Variants in EFR3A observed in about 807,000 individuals in gnomAD.
EFR3A encodes EFR3 homolog A.
A neutral mutation model predicts 104.4 loss-of-function variants in EFR3A; 76 were observed. The ratio of observed to expected loss-of-function variants is 0.73; its 90% confidence interval spans 0.60 to 0.88. EFR3A has a LOEUF of 0.88. Ranked by LOEUF, EFR3A falls within the 40% of genes least tolerant of loss-of-function variation. The pLI, the probability that EFR3A is intolerant of heterozygous loss-of-function variation, is 0.00. For synonymous variants in EFR3A, 330 were observed against 330.0 expected (o/e 1.00, Z 0.00); for missense variants, 985 against 1,012.5 (o/e 0.97, Z 0.37).
rs576304047 is a variant in EFR3A at position 131,958,509 on chromosome 8, G to A, written c.777-1076G>A. On this transcript the variant is annotated intron_variant, in intron 7 of 22. Coordinates refer to ENST00000254624, the MANE Select transcript of EFR3A (RefSeq NM_015137.6). Reference sequence around the variant, plus strand: ...GGTAGCCATGTTCAAATTCTTCTTCGAATGTATAGAGCCTAGAGCATAGTA... The same window carrying A: ...GGTAGCCATGTTCAAATTCTTCTTCAAATGTATAGAGCCTAGAGCATAGTA... 8.0e-4 allele frequency among the ~76,000 whole-genome samples: 122 copies of A among 151,860 alleles called. 1 individual carries two copies. Among genetic ancestry groups the A allele is most frequent in the Non-Finnish European group, 1.3e-3 (90 of 67,966 alleles).
chr8:131,940,435 A>G (rs1325448756), intron 1 of EFR3A, 64 bp from the exon 2 acceptor site: 26 of 1,455,786 alleles, frequency 1.8e-5, no homozygotes, highest in Non-Finnish European at 2.4e-5. Context: ...CAGAAACTTG[A>G]ATTTCCAGGC....
chr8:131,918,427 T>A (rs1445670027), intron 1 of EFR3A, among the ~76,000 whole-genome samples: 1 of 152,254 alleles, frequency 6.6e-6, no homozygotes, highest in Admixed American at 6.5e-5. Context: ...TTGGAGAGAA[T>A]ATATCAGGCA....
At chr8:131,958,129 G>C (rs1386586612) in intron 7 of EFR3A, among the ~76,000 whole-genome samples, 1 of 152,100 alleles carries the variant, frequency 6.6e-6, no homozygotes, top group African/African-American at 2.4e-5. Flanking sequence ...TAAGTAATTG[G>C]TAGCATGCTT....
At chr8:131,911,512 G>T (rs1419564125) in intron 1 of EFR3A, among the ~76,000 whole-genome samples, 2 of 152,186 alleles carry the variant, frequency 1.3e-5, no homozygotes, top group Non-Finnish European at 2.9e-5. Context: ...TCATTAAGGG[G>T]AAAGTGAAAC....
At chr8:131,920,096 A>G (rs1029866979) in intron 1 of EFR3A, among the ~76,000 whole-genome samples, 13 of 152,208 alleles carry the variant, frequency 8.5e-5, no homozygotes, top group African/African-American at 2.4e-4. Flanking sequence ...TTGCTGCTAG[A>G]ATTTTGTGAA....
intron 14 of EFR3A, 21 bp downstream of exon 14, chr8:131,979,442 AT>A: frequency 1.4e-6 from 2 of 1,470,278 alleles, no homozygotes; most frequent in African/African-American, 1.4e-5. Flanking sequence ...TTCTAAAAAA[AT>A]AAATGTGTAG....
chr8:131,985,818 A>G (rs975461683), intron 16 of EFR3A, among the ~76,000 whole-genome samples: 1 of 152,222 alleles, frequency 6.6e-6, no homozygotes, highest in Non-Finnish European at 1.5e-5. Flanking sequence ...GAGACCTTGT[A>G]CACAGGCTGC....
intron 8 of EFR3A, among the ~76,000 whole-genome samples, chr8:131,962,709 C>G (rs905364569): frequency 4.6e-5 from 7 of 152,140 alleles, no homozygotes; most frequent in African/African-American, 1.7e-4. Context: ...CAGCTCTGCA[C>G]CAAGTGGACC....
intron 8 of EFR3A, among the ~76,000 whole-genome samples, chr8:131,963,996 A>T (rs1416979750): frequency 6.6e-6 from 1 of 152,220 alleles, no homozygotes; most frequent in Non-Finnish European, 1.5e-5. Flanking sequence ...ATAGATGCAG[A>T]AAAGGCCTTT....
Position 131,922,196 on chromosome 8 carries a change from T to G in EFR3A, c.10+17874T>G, listed in dbSNP as rs149992271. Among the ~76,000 whole-genome samples, 463 of 152,284 alleles carry G rather than the reference T, an allele frequency of 3.0e-3. 7 individuals are homozygous for G. Among genetic ancestry groups the G allele is most frequent in the East Asian group, 1.9e-3 (10 of 5,186 alleles). On this transcript the variant is annotated intron_variant, in intron 1 of 22. Coordinates refer to ENST00000254624, the MANE Select transcript of EFR3A (RefSeq NM_015137.6). The stretch of plus-strand genomic sequence containing the variant: ...GTATCCATATCTTTCTTTTTTCTTA[T>G]AAGGATACCAGTCATTGAATTTAGG...
chr8:131,986,644 G>T (rs1425856311), intron 17 of EFR3A, among the ~76,000 whole-genome samples: 4 of 152,004 alleles, frequency 2.6e-5, no homozygotes, highest in African/African-American at 7.3e-5. Context: ...AATTAGCTGG[G>T]TATGGTGGCA....
Position 132,011,714 on chromosome 8 carries a change from T to A in EFR3A, c.*819T>A, listed in dbSNP as rs951188835. 3 of 152,766 alleles carry A rather than the reference T, an allele frequency of 2.0e-5. No homozygotes were observed. The highest frequency in any genetic ancestry group is 7.2e-5 in the African/African-American group (3 of 41,438). The allele number at this position is 152,766 out of a possible 1,614,324, so 9.5% of individuals were successfully genotyped here. A position where few individuals can be genotyped will look rare whatever the true frequency, so the allele number is the denominator to read the frequency against. On this transcript the variant is annotated 3_prime_UTR_variant, in exon 23 of 23. Transcript: ENST00000254624. ...TCCATTAATTAAATGAGATATATATTTAGTGCAGAAAAAAGACATTTAAAA... is the reference window on the plus strand; with the variant it reads ...TCCATTAATTAAATGAGATATATATATAGTGCAGAAAAAAGACATTTAAAA...
chr8:131,908,460 C>G (rs2130368346), intron 1 of EFR3A, among the ~76,000 whole-genome samples: 1 of 152,234 alleles, frequency 6.6e-6, no homozygotes, highest in South Asian at 2.1e-4. Flanking sequence ...TGAAGACTTA[C>G]AGTTTGCTAT....
At chr8:132,007,349 A>G (rs13254345) in intron 22 of EFR3A, among the ~76,000 whole-genome samples, 35,905 of 151,796 alleles carry the variant, frequency 0.24, 4,394 homozygotes, top group Admixed American at 0.3. Context: ...TTGTATATCT[A>G]TATATTAACA....
At chr8:132,000,702 A>G (rs2130801629) in intron 19 of EFR3A, 1 of 152,310 alleles carries the variant, frequency 6.6e-6, no homozygotes, top group African/African-American at 2.4e-5. Flanking sequence ...GAAGTACTAG[A>G]ATGCTTATAA....
chr8:131,906,698 A>C (rs1816280545), intron 1 of EFR3A, among the ~76,000 whole-genome samples: 1 of 152,178 alleles, frequency 6.6e-6, no homozygotes, highest in Non-Finnish European at 1.5e-5. Flanking sequence ...GAAAGCAACC[A>C]CCTGGAAGGA....
At chr8:131,980,972 C>A (rs1183406913) in intron 14 of EFR3A, among the ~76,000 whole-genome samples, 2 of 151,118 alleles carry the variant, frequency 1.3e-5, no homozygotes, top group African/African-American at 4.9e-5. Context: ...TCCATATTGT[C>A]AAAAATGAAA....
chr8:131,984,791 T>A (rs558085573), intron 15 of EFR3A, 138 bp from the exon 16 acceptor site: 2 of 775,128 alleles, frequency 2.6e-6, no homozygotes, highest in South Asian at 4.5e-5. Flanking sequence ...CTTTCAGAAT[T>A]GTTTTAGAAA....
Position 131,984,977 on chromosome 8 carries a change from G to A in EFR3A, c.1786G>A (p.Gly596Arg). Reference sequence around the variant, plus strand: ...TAATTTGCCAATGTTCCATCGTTGTGGAATCATGGCACTGGTTGCAGCATA... The same window carrying A: ...TAATTTGCCAATGTTCCATCGTTGTAGAATCATGGCACTGGTTGCAGCATA... ...EDNLPMFHRC[G>R]IMALVAAYLN... The change falls in exon 16 of 23, where the codon GGA becomes AGA. Residue 596 changes from glycine to arginine, a missense_variant. Gly to Arg is a moderately radical substitution (Grantham distance 125). Coordinates refer to ENST00000254624, the MANE Select transcript of EFR3A (RefSeq NM_015137.6). The A allele has an allele frequency of 6.2e-7, 1 of 1,613,556 alleles. No homozygotes were observed. The highest frequency in any genetic ancestry group is 8.5e-7 in the Non-Finnish European group (1 of 1,179,642).
Sources: gnomAD v4.1 joint callset for allele counts (sites outside exome capture counted in the v4.1 genomes callset) on GRCh38, gnomAD v4.1.1 for gene constraint, MANE v1.5 for transcripts, NCBI Gene and HGNC (gene_info 2026-07-23, HGNC 2026-07-21) for gene names.